SYT16: variants seen among roughly 807,000 people sequenced by gnomAD.
SYT16 encodes synaptotagmin-16.
SYT16 carries 42 observed loss-of-function variants against 61.4 expected under a neutral mutation model. The observed-to-expected ratio is 0.68, with a 90% CI of 0.53 to 0.89. The LOEUF (loss-of-function observed/expected upper bound fraction) is 0.89, where lower values mean the gene tolerates loss of function less well. SYT16 is among the 40% of genes least tolerant of loss of function. The pLI, the probability that SYT16 is intolerant of heterozygous loss-of-function variation, is 0.00. For synonymous variants in SYT16, 314 were observed against 302.3 expected, an observed-to-expected ratio of 1.04 and a Z score of -0.40; for missense variants, 804 against 807.3, an observed-to-expected ratio of 1.00 and a Z score of 0.05.
intron 3 of SYT16, among the ~76,000 whole-genome samples, chr14:62,012,884 C>T (rs1208747595): frequency 6.6e-6 from 1 of 152,132 alleles, no homozygotes; most frequent in Non-Finnish European, 1.5e-5. Context: ...AAAAGGAATA[C>T]AGACTGCAGG....
intron 5 of SYT16, among the ~76,000 whole-genome samples, chr14:62,075,768 C>T (rs2056474583): frequency 6.6e-6 from 1 of 152,000 alleles, no homozygotes; most frequent in African/African-American, 2.4e-5. Flanking sequence ...TTCATGGTTT[C>T]AATTAAGTGG....
chr14:61,827,299 C>T (rs1566611822), intron 1 of SYT16, among the ~76,000 whole-genome samples: 1 of 152,178 alleles, frequency 6.6e-6, no homozygotes. Context: ...TGGGATTCTG[C>T]TGCATGAATC....
intron 3 of SYT16, among the ~76,000 whole-genome samples, chr14:62,048,604 G>A (rs890313454): frequency 6.6e-6 from 1 of 152,230 alleles, no homozygotes; most frequent in Admixed American, 6.5e-5. Context: ...GCTTTCTCTT[G>A]TGGGCATTTA....
chr14:62,109,462 G>A lies in SYT16; in HGVS notation c.*8755G>A, dbSNP rs537443424. The A allele has an allele frequency of 7.9e-5, 12 of 151,952 alleles. No homozygotes were observed. Among genetic ancestry groups the A allele is most frequent in the African/African-American group, 2.9e-4 (12 of 41,426 alleles). 9.4% of individuals were successfully genotyped at this position (151,952 alleles called of 1,614,324 possible). A position where few individuals can be genotyped will look rare whatever the true frequency, so the allele number is the denominator to read the frequency against. On this transcript the variant is annotated 3_prime_UTR_variant, in exon 8 of 8. Coordinates refer to ENST00000683842, the MANE Select transcript of SYT16 (RefSeq NM_001367656.1). ...GCTATGGCAAATTTTATTAAAGTGC[G>A]TGCTCTCAGGAAAAGCTGCATATAT...
intron 1 of SYT16, among the ~76,000 whole-genome samples, chr14:61,945,772 C>T (rs1176415188): frequency 2.2e-5 from 3 of 136,392 alleles, no homozygotes; most frequent in Non-Finnish European, 4.6e-5. Flanking sequence ...AGGAGAATGG[C>T]GTGAACCCGG....
intron 1 of SYT16, among the ~76,000 whole-genome samples, chr14:61,967,370 A>T (rs2051356799): frequency 6.6e-6 from 1 of 152,122 alleles, no homozygotes; most frequent in African/African-American, 2.4e-5. Context: ...TAGGGTTGTT[A>T]TTGCAACAAA....
chr14:61,986,387 G>T (rs935796054), intron 2 of SYT16, among the ~76,000 whole-genome samples: 10 of 150,988 alleles, frequency 6.6e-5, no homozygotes, highest in African/African-American at 2.4e-4. Context: ...GTCTTGAAAT[G>T]TAAAGGATTG....
chr14:62,049,443 G>T (rs1398958360), intron 3 of SYT16, among the ~76,000 whole-genome samples: 3 of 152,154 alleles, frequency 2.0e-5, no homozygotes, highest in Non-Finnish European at 4.4e-5. Context: ...TTGCCAGTCT[G>T]TGTCTTTTAA....
chr14:61,828,724 C>T (rs1290027650), intron 1 of SYT16, among the ~76,000 whole-genome samples: 1 of 152,170 alleles, frequency 6.6e-6, no homozygotes, highest in African/African-American at 2.4e-5. Flanking sequence ...TATCTGATAC[C>T]ATAAACATAT....
At chr14:61,955,219 A>C (rs897897364) in intron 1 of SYT16, among the ~76,000 whole-genome samples, 1 of 152,128 alleles carries the variant, frequency 6.6e-6, no homozygotes, top group Admixed American at 6.6e-5. Flanking sequence ...CATCATCACT[A>C]TCAATGGTAT....
At chr14:62,075,413 C>G (rs921113916) in intron 5 of SYT16, 22 bp downstream of exon 5, 4 of 1,579,730 alleles carry the variant, frequency 2.5e-6, no homozygotes, top group Non-Finnish European at 1.7e-6. Context: ...GTTTTTCATT[C>G]TTTCATTGGT....
chr14:62,076,770 A>G (rs897075034), intron 5 of SYT16, among the ~76,000 whole-genome samples: 19 of 152,206 alleles, frequency 1.2e-4, no homozygotes, highest in African/African-American at 9.7e-5. Flanking sequence ...CTCTCTCCCA[A>G]AAACAAAACA....
intron 3 of SYT16, among the ~76,000 whole-genome samples, chr14:62,041,148 C>T (rs1410572941): frequency 6.6e-6 from 1 of 152,122 alleles, no homozygotes; most frequent in Non-Finnish European, 1.5e-5. Context: ...TGTTCTTCTG[C>T]CTGCTTTTTA....
chr14:62,067,504 GA>G (rs1258761730), intron 3 of SYT16, among the ~76,000 whole-genome samples: 1 of 152,170 alleles, frequency 6.6e-6, no homozygotes. Context: ...GAAACTGAAA[GA>G]GGGCCCGTGT....
At chr14:61,861,652 A>T (rs2046968267) in intron 1 of SYT16, among the ~76,000 whole-genome samples, 2 of 152,168 alleles carry the variant, frequency 1.3e-5, no homozygotes, top group Non-Finnish European at 2.9e-5. Flanking sequence ...CAATCTGCCC[A>T]CATTGGCCTC....
chr14:61,873,514 A>G (rs990477186), intron 1 of SYT16, among the ~76,000 whole-genome samples: 1 of 152,184 alleles, frequency 6.6e-6, no homozygotes, highest in African/African-American at 2.4e-5. Flanking sequence ...ACAGAGCTTG[A>G]TGTTGTTCAG....
At chr14:62,039,007 A>G (rs1198117148) in intron 3 of SYT16, among the ~76,000 whole-genome samples, 1 of 152,228 alleles carries the variant, frequency 6.6e-6, no homozygotes, top group African/African-American at 2.4e-5. Flanking sequence ...ATATGAAGAA[A>G]TGGAAGGTCA....
Position 62,095,488 on chromosome 14 carries a change from A to G in SYT16, c.1625-4906A>G, listed in dbSNP as rs570768611. 4.0e-4 allele frequency among the ~76,000 whole-genome samples: 61 copies of G among 152,092 alleles called. No homozygotes were observed. In the South Asian group the frequency reaches 4.6e-3, roughly 11 times the overall value. On this transcript the variant is annotated intron_variant, in intron 7 of 7. Transcript: ENST00000683842. ...GAAAGTGGAGCTTTAAAATGTTACT[A>G]TTTATAATAGGAACAAAATATCTAC... is the stretch of plus-strand genomic sequence containing the variant.
At chr14:61,830,840 T>A (rs1170147819) in intron 1 of SYT16, among the ~76,000 whole-genome samples, 2 of 152,138 alleles carry the variant, frequency 1.3e-5, no homozygotes, top group Non-Finnish European at 2.9e-5. Flanking sequence ...AGAGCTCCAA[T>A]CCATTCCAGT....
Sources: gnomAD v4.1 joint callset for allele counts (sites outside exome capture counted in the v4.1 genomes callset) on GRCh38, gnomAD v4.1.1 for gene constraint, MANE v1.5 for transcripts, NCBI Gene and HGNC (gene_info 2026-07-23, HGNC 2026-07-21) for gene names.